The following ARHGAP15 variants were observed in gnomAD, a reference collection of about 807,000 sequenced individuals.
ARHGAP15 encodes Rho GTPase activating protein 15.
ARHGAP15 carries 51 observed loss-of-function variants against 63.7 expected under a neutral mutation model. The ratio of observed to expected loss-of-function variants is 0.80; its 90% CI spans 0.64 to 1.01. The LOEUF is 1.01. Ranked by LOEUF, ARHGAP15 falls within the 50% of genes least tolerant of loss-of-function variation. The pLI, the probability that ARHGAP15 is intolerant of heterozygous loss-of-function variation, is 0.00. For missense variants in ARHGAP15, 560 were observed against 564.6 expected (o/e 0.99, Z 0.08); for synonymous variants, 191 against 193.8 (o/e 0.99, Z 0.12).
intron 8 of ARHGAP15, among the ~76,000 whole-genome samples, chr2:143,450,018 T>A (rs1690333435): frequency 6.6e-6 from 1 of 151,478 alleles, no homozygotes; most frequent in African/African-American, 2.4e-5. Flanking sequence ...CTTTCTTACT[T>A]TAAGACAGCT....
chr2:143,592,529 A>G (rs145291397), intron 11 of ARHGAP15, among the ~76,000 whole-genome samples: 1 of 152,282 alleles, frequency 6.6e-6, no homozygotes, highest in East Asian at 1.9e-4. Context: ...AGAGAATTGG[A>G]GAGTGGAGTC....
At chr2:143,535,276 T>G (rs900002461) in intron 10 of ARHGAP15, among the ~76,000 whole-genome samples, 1 of 152,226 alleles carries the variant, frequency 6.6e-6, no homozygotes, top group South Asian at 2.1e-4. Flanking sequence ...TCTCCCATTA[T>G]GTACTTGCCC....
chr2:143,439,607 C>T (rs1558972665), intron 8 of ARHGAP15, among the ~76,000 whole-genome samples: 4 of 151,494 alleles, frequency 2.6e-5, no homozygotes, highest in East Asian at 1.9e-4. Context: ...TATAGCAATA[C>T]ATTTAATCCT....
intron 11 of ARHGAP15, chr2:143,571,774 G>T (rs919889030): frequency 6.6e-6 from 1 of 152,028 alleles, no homozygotes; most frequent in Non-Finnish European, 1.5e-5. Flanking sequence ...TTTCATGTCT[G>T]GCAGCCATAA....
Position 143,454,731 on chromosome 2 carries a change from G to C in ARHGAP15, c.703+17689G>C, listed in dbSNP as rs573687207. Among the ~76,000 whole-genome samples the C allele has an allele frequency of 3.5e-4, 53 of 152,118 alleles. 1 individual carries two copies. Among genetic ancestry groups the C allele is most frequent in the African/African-American group, 1.2e-3 (51 of 41,528 alleles). ...TTGTAATATATTCATAATACAAGCG[G>C]ATTAACTCAGATTAAAATGCTCTAT... On this transcript the variant is annotated intron_variant, in intron 8 of 13. Transcript: ENST00000295095.
At chr2:143,598,251 A>G (rs1326762431) in intron 11 of ARHGAP15, among the ~76,000 whole-genome samples, 2 of 152,190 alleles carry the variant, frequency 1.3e-5, no homozygotes, top group African/African-American at 4.8e-5. Flanking sequence ...AACTCCATGA[A>G]ACAAGGAAGT....
chr2:143,597,713 A>C (rs1235359709), intron 11 of ARHGAP15, among the ~76,000 whole-genome samples: 1 of 152,094 alleles, frequency 6.6e-6, no homozygotes, highest in Non-Finnish European at 1.5e-5. Context: ...TTTGTTTCTT[A>C]AGGTCTGTAG....
At chr2:143,304,039 AGT>A (rs1262639440) in intron 6 of ARHGAP15, among the ~76,000 whole-genome samples, 2 of 152,196 alleles carry the variant, frequency 1.3e-5, no homozygotes, top group Non-Finnish European at 2.9e-5. Context: ...TGTGCAAGAC[AGT>A]GTGGCGATTC....
intron 6 of ARHGAP15, among the ~76,000 whole-genome samples, chr2:143,312,063 T>C (rs1683473423): frequency 6.6e-6 from 1 of 152,130 alleles, no homozygotes; most frequent in Admixed American, 6.6e-5. Flanking sequence ...TCCATGCAAG[T>C]AAAATTTGGT....
chr2:143,698,824 A>G (rs2105411470), intron 12 of ARHGAP15, among the ~76,000 whole-genome samples: 1 of 152,306 alleles, frequency 6.6e-6, no homozygotes, highest in African/African-American at 2.4e-5. Context: ...AAGATTTTGT[A>G]TAAGTCTCTT....
At chr2:143,521,550 C>T (rs540851759) in intron 10 of ARHGAP15, among the ~76,000 whole-genome samples, 3 of 152,224 alleles carry the variant, frequency 2.0e-5, no homozygotes, top group South Asian at 4.1e-4. Flanking sequence ...CATATAAAGG[C>T]GCCAAGTCTC....
intron 8 of ARHGAP15, among the ~76,000 whole-genome samples, chr2:143,438,060 C>A (rs1689692101): frequency 6.6e-6 from 1 of 152,086 alleles, no homozygotes; most frequent in African/African-American, 2.4e-5. Context: ...CCAGAGAAAA[C>A]CTATTTCCCA....
intron 13 of ARHGAP15, among the ~76,000 whole-genome samples, chr2:143,734,811 AGT>A (rs1685683304): frequency 6.6e-6 from 1 of 152,316 alleles, no homozygotes; most frequent in Admixed American, 6.5e-5. Flanking sequence ...TGTATACATG[AGT>A]GTGTGATTTG....
intron 2 of ARHGAP15, among the ~76,000 whole-genome samples, chr2:143,184,394 A>G (rs963996590): frequency 6.6e-6 from 1 of 152,196 alleles, no homozygotes; most frequent in East Asian, 1.9e-4. Flanking sequence ...GGCAGGACTA[A>G]TTCCTTTATC....
chr2:143,735,484 GA>G (rs1685707683), intron 13 of ARHGAP15, among the ~76,000 whole-genome samples: 1 of 152,188 alleles, frequency 6.6e-6, no homozygotes, highest in African/African-American at 2.4e-5. Context: ...GGCAACACCA[GA>G]ATTGTATCGT....
At chr2:143,463,969 G>A (rs1174320351) in intron 8 of ARHGAP15, among the ~76,000 whole-genome samples, 1 of 152,028 alleles carries the variant, frequency 6.6e-6, no homozygotes, top group African/African-American at 2.4e-5. Context: ...TTCTGTGATG[G>A]GCATACCTAT....
Position 143,552,033 on chromosome 2 carries a change from T to A in ARHGAP15, c.926-4375T>A, listed in dbSNP as rs76173532. ...TGCAGCGTTGAGGACAACCTGAGTG[T>A]TCCCGTGCTCAAAGATTTTCGCCGG... On this transcript the variant is annotated intron_variant, in intron 10 of 13. Coordinates refer to ENST00000295095, the MANE Select transcript of ARHGAP15 (RefSeq NM_018460.4). 3.8e-3 allele frequency among the ~76,000 whole-genome samples: 585 copies of A among 152,220 alleles called. 4 individuals carry two copies. The highest frequency in any genetic ancestry group is 0.02 in the Middle Eastern group (6 of 294).
At chr2:143,752,515 T>C (rs1192739203) in intron 13 of ARHGAP15, among the ~76,000 whole-genome samples, 2 of 152,192 alleles carry the variant, frequency 1.3e-5, no homozygotes, top group African/African-American at 2.4e-5. Context: ...CCACCATCGA[T>C]GGACTCCTCA....
At chr2:143,586,492 A>G (rs1186673011) in intron 11 of ARHGAP15, among the ~76,000 whole-genome samples, 1 of 151,864 alleles carries the variant, frequency 6.6e-6, no homozygotes, top group Non-Finnish European at 1.5e-5. Flanking sequence ...TTCATTTTAT[A>G]TAATTTCTTC....
Sources: gnomAD v4.1 joint callset for allele counts (sites outside exome capture counted in the v4.1 genomes callset) on GRCh38, gnomAD v4.1.1 for gene constraint, MANE v1.5 for transcripts, NCBI Gene and HGNC (gene_info 2026-07-23, HGNC 2026-07-21) for gene names.